FSTL4: variants seen among roughly 807,000 people sequenced by gnomAD.
FSTL4 encodes follistatin like 4.
Under a neutral mutation model 78.2 loss-of-function variants are expected in FSTL4, and 28 were observed. The observed-to-expected ratio is 0.36, with a 90% CI of 0.27 to 0.49. FSTL4 has a LOEUF of 0.49. Ranked by LOEUF, FSTL4 falls within the 20% of genes least tolerant of loss-of-function variation. The probability of loss-of-function intolerance (pLI) is 0.98; values close to 1 mark genes in which losing one functional copy is unlikely to be tolerated. For synonymous variants in FSTL4, 422 were observed against 440.5 expected, an observed-to-expected ratio of 0.96 and a Z score of 0.53; for missense variants, 922 against 1,084.9, an observed-to-expected ratio of 0.85 and a Z score of 2.11.
At chr5:133,369,366 T>C (rs902712096) in intron 4 of FSTL4, among the ~76,000 whole-genome samples, 2 of 152,180 alleles carry the variant, frequency 1.3e-5, no homozygotes, top group Admixed American at 6.5e-5. Flanking sequence ...GGCTCATTGC[T>C]CCTGTGTCTC....
rs188351187 is a variant in FSTL4 at position 133,508,213 on chromosome 5, T to C, written c.160+58973A>G. Among the ~76,000 whole-genome samples, 8 of 152,328 alleles carry C rather than the reference T, an allele frequency of 5.3e-5. No individual in the cohort carries two copies. The East Asian group carries it at 1.5e-3, about 29-fold the overall frequency. On this transcript the variant is annotated intron_variant, in intron 3 of 15. Coordinates refer to ENST00000265342, the MANE Select transcript of FSTL4 (RefSeq NM_015082.2). ...TTAAATTGCAGGTAGGATTGGTGCC[T>C]GGCACTCAGCAAGCATGCAGTGAAT...
chr5:133,230,121 C>T (rs745387888), intron 8 of FSTL4, among the ~76,000 whole-genome samples: 10 of 152,164 alleles, frequency 6.6e-5, no homozygotes, highest in Admixed American at 3.9e-4. Flanking sequence ...GGTGGTACAC[C>T]GGCCCCTCAG....
the FSTL4 span, among the ~76,000 whole-genome samples, chr5:133,818,500 C>T: frequency 4.6e-5 from 7 of 152,130 alleles, no homozygotes; most frequent in Non-Finnish European, 7.4e-5. Context: ...AGGCTAATTC[C>T]ACTGAAACCT....
intron 8 of FSTL4, among the ~76,000 whole-genome samples, chr5:133,229,483 A>G (rs1380836160): frequency 1.3e-5 from 2 of 152,054 alleles, no homozygotes; most frequent in African/African-American, 4.8e-5. Flanking sequence ...AGATCATGCT[A>G]TTGCACTCCA....
the FSTL4 span, among the ~76,000 whole-genome samples, chr5:133,664,112 G>C: frequency 6.6e-6 from 1 of 152,122 alleles, no homozygotes; most frequent in Non-Finnish European, 1.5e-5. Flanking sequence ...GAATTATCCA[G>C]TAGGCCTTCT....
At chr5:133,517,848 C>T (rs981808430) in intron 3 of FSTL4, among the ~76,000 whole-genome samples, 5 of 152,114 alleles carry the variant, frequency 3.3e-5, no homozygotes, top group African/African-American at 1.2e-4. Context: ...CCAAAGCAGT[C>T]TACTGGCAGA....
chr5:133,677,317 CCATGGGATCTGGG>C, the FSTL4 span, among the ~76,000 whole-genome samples: 5 of 152,162 alleles, frequency 3.3e-5, no homozygotes, highest in Non-Finnish European at 7.4e-5. Context: ...TAGCTGGATT[CCATGGGATCTGGG>C]CAGCTTTATC....
At chr5:133,835,873 T>G in the FSTL4 span, among the ~76,000 whole-genome samples, 1 of 152,210 alleles carries the variant, frequency 6.6e-6, no homozygotes, top group African/African-American at 2.4e-5. Flanking sequence ...GCTTTCTATA[T>G]TATGAAGCTA....
chr5:133,707,392 A>G, the FSTL4 span, among the ~76,000 whole-genome samples: 1 of 152,214 alleles, frequency 6.6e-6, no homozygotes, highest in East Asian at 1.9e-4. Flanking sequence ...CAAAAGGTCA[A>G]TCAATCACTC....
At position 133,487,861 on chromosome 5, in the gene FSTL4, C is replaced by G. The variant is rs140518187; in HGVS notation, c.160+79325G>C. 8.7e-3 allele frequency among the ~76,000 whole-genome samples: 1,324 copies of G among 152,310 alleles called. 14 individuals carry two copies. Among genetic ancestry groups the G allele is most frequent in the Non-Finnish European group, 0.011 (775 of 68,018 alleles). The stretch of plus-strand genomic sequence containing the variant: ...TGAGCTACTTAAAATCCTGCAGACA[C>G]CGGGTCTGGCTCTAACTCTGCTGCT... On this transcript the variant is annotated intron_variant, in intron 3 of 15. Coordinates refer to ENST00000265342, the MANE Select transcript of FSTL4 (RefSeq NM_015082.2).
chr5:133,602,752 G>GCACA (rs1382714346), intron 2 of FSTL4, among the ~76,000 whole-genome samples: 1 of 152,162 alleles, frequency 6.6e-6, no homozygotes, highest in African/African-American at 2.4e-5. Context: ...CAAAAGGAAG[G>GCACA]CACACTAACT....
At chr5:133,507,820 T>C (rs915620698) in intron 3 of FSTL4, among the ~76,000 whole-genome samples, 4 of 151,688 alleles carry the variant, frequency 2.6e-5, no homozygotes, top group African/African-American at 9.7e-5. Context: ...TGCGCCTGGC[T>C]GAAAGCATTA....
chr5:133,319,203 T>A (rs1753985732), intron 4 of FSTL4, among the ~76,000 whole-genome samples: 1 of 152,204 alleles, frequency 6.6e-6, no homozygotes, highest in South Asian at 2.1e-4. Context: ...ACAGACACCT[T>A]CTGGTCAGGA....
intron 4 of FSTL4, among the ~76,000 whole-genome samples, chr5:133,383,220 C>T (rs1336635248): frequency 6.6e-6 from 1 of 152,232 alleles, no homozygotes; most frequent in Non-Finnish European, 1.5e-5. Flanking sequence ...AGCCCAGACC[C>T]TGGTGGGCTC....
chr5:133,455,535 C>A (rs546065791), intron 3 of FSTL4, among the ~76,000 whole-genome samples: 2 of 152,006 alleles, frequency 1.3e-5, no homozygotes, highest in African/African-American at 2.4e-5. Flanking sequence ...ACATTGATTG[C>A]GTTTTCAAAT....
chr5:133,756,663 G>C, the FSTL4 span, among the ~76,000 whole-genome samples: 1 of 152,112 alleles, frequency 6.6e-6, no homozygotes, highest in Non-Finnish European at 1.5e-5. Flanking sequence ...GCATGGAGGT[G>C]GGGGAGGAGG....
At chr5:133,758,777 G>A in the FSTL4 span, among the ~76,000 whole-genome samples, 1 of 152,146 alleles carries the variant, frequency 6.6e-6, no homozygotes, top group Admixed American at 6.5e-5. Flanking sequence ...AGCTTAGCTG[G>A]GTGGTTCTGA....
At chr5:133,480,371 T>C (rs527299164) in intron 3 of FSTL4, among the ~76,000 whole-genome samples, 1 of 152,130 alleles carries the variant, frequency 6.6e-6, no homozygotes, top group East Asian at 1.9e-4. Context: ...ACTATTTGAG[T>C]TTCTCGCAGA....
At chr5:133,624,135 A>G in the FSTL4 span, among the ~76,000 whole-genome samples, 2 of 151,972 alleles carry the variant, frequency 1.3e-5, no homozygotes, top group Non-Finnish European at 2.9e-5. Context: ...TAAGTGCTCA[A>G]AAATTTGCAC....
Sources: allele counts gnomAD v4.1 joint callset (sites outside exome capture counted in the v4.1 genomes callset), GRCh38; gene constraint gnomAD v4.1.1; transcripts MANE v1.5; gene names NCBI Gene and HGNC (gene_info 2026-07-23, HGNC 2026-07-21).